The following VAT1 variants were observed in gnomAD, a reference collection of about 807,000 sequenced individuals.
VAT1 encodes NADPH-dependent quinone oxidoreductase VAT1.
In VAT1, 24 loss-of-function variants were observed where a neutral mutation model predicts 33.3. That is an observed-to-expected ratio of 0.72 (90% CI 0.52 to 1.01). VAT1 has a LOEUF of 1.01. Ranked by LOEUF, VAT1 falls within the 50% of genes least tolerant of loss-of-function variation. The pLI is 0.00. For synonymous variants in VAT1, 212 were observed against 225.0 expected, an observed-to-expected ratio of 0.94 and a Z score of 0.52; for missense variants, 436 against 533.7, an observed-to-expected ratio of 0.82 and a Z score of 1.80.
intron 1 of VAT1, chr17:43,020,188 C>T: frequency 1.0e-6 from 1 of 985,270 alleles, no homozygotes. Context: ...GGGCCATGAC[C>T]CCTCCCCAAC....
intron 1 of VAT1, among the ~76,000 whole-genome samples, chr17:43,019,731 G>C (rs927906377): frequency 2.6e-5 from 4 of 152,174 alleles, no homozygotes; most frequent in Non-Finnish European, 5.9e-5. Flanking sequence ...GGGAAAAGGA[G>C]GGAGCGTCAG....
chr17:43,016,793 G>A (rs1401077902), intron 4 of VAT1, among the ~76,000 whole-genome samples: 2 of 152,006 alleles, frequency 1.3e-5, no homozygotes, highest in Non-Finnish European at 2.9e-5. Context: ...CAAGGTGGGG[G>A]GATCACTTGA....
rs1301109336 is a variant in VAT1, at chr17:43,022,195, G to GCGGCGGCGGCGGCGGCCCCTT, written c.107_127dup (p.Glu36_Ala42dup). 1.3e-5 allele frequency: 20 copies of GCGGCGGCGGCGGCGGCCCCTT among 1,542,144 alleles called. No individual in the cohort carries two copies. In the East Asian group the frequency reaches 4.2e-4, roughly 33 times the overall value. ...TAGGCAGCGCAGCAGTGGCGGCGAG[G>GCGGCGGCGGCGGCGGCCCCTT]CGGCGGCGGCGGCGGCCCCTTCGGA... is the stretch of plus-strand genomic sequence containing the variant. On this transcript the variant is annotated inframe_insertion, in exon 1 of 6. Coordinates refer to ENST00000355653, the MANE Select transcript of VAT1 (RefSeq NM_006373.4).
chr17:43,022,056 G>C lies in VAT1; in HGVS notation c.267C>G (p.Asn89Lys). 6.2e-7 allele frequency: 1 copy of C among 1,605,326 alleles called. No homozygotes were observed. The highest frequency in any genetic ancestry group is 8.5e-7 in the Non-Finnish European group (1 of 1,177,292). The stretch of plus-strand genomic sequence containing the variant: ...CCTGCCTAGCCATGAGGTCTGCGAA[G>C]TTGAGCCCGCAGGCCCGCAGACGCA... ...LTLRLRACGL[N>K]FADLMARQGL... Residue 89 changes from asparagine (N) to lysine (K), a missense_variant, in exon 1 of 6, where the codon AAC (asparagine) becomes AAG (lysine). Around this residue, in one of 2 missense-constraint regions of VAT1, gnomAD observed 154 missense variants for 128.3 expected, o/e 1.20. Coordinates refer to ENST00000355653, the MANE Select transcript of VAT1 (RefSeq NM_006373.4).
Position 43,015,753 on chromosome 17 carries a change from C to A in VAT1, c.*308G>T. 2.2e-6 allele frequency: 1 copy of A among 450,538 alleles called. No individual in the cohort carries two copies. Among genetic ancestry groups the A allele is most frequent in the Middle Eastern group, 6.3e-4 (1 of 1,600 alleles). The allele number at this position is 450,538 out of a possible 1,614,324, so 27.9% of individuals were successfully genotyped here. A position where few individuals can be genotyped will look rare whatever the true frequency, so the allele number is the denominator to read the frequency against. The stretch of plus-strand genomic sequence containing the variant: ...AGCACATGGAACACAACAGGGGGGA[C>A]TGGCTAACCTTGGCACAAAAGCAGC... On this transcript the variant is annotated 3_prime_UTR_variant, in exon 6 of 6. Coordinates refer to ENST00000355653, the MANE Select transcript of VAT1 (RefSeq NM_006373.4).
intron 1 of VAT1, among the ~76,000 whole-genome samples, chr17:43,020,535 T>C (rs184361226): frequency 1.3e-5 from 2 of 152,258 alleles, no homozygotes; most frequent in African/African-American, 2.4e-5. Context: ...CTGGCAGGTC[T>C]GCAAGAGGCT....
At chr17:43,021,117 G>A (rs1597785221) in intron 1 of VAT1, among the ~76,000 whole-genome samples, 1 of 152,074 alleles carries the variant, frequency 6.6e-6, no homozygotes, top group African/African-American at 2.4e-5. Flanking sequence ...TTTCTGAAGT[G>A]GGGGTCCTCT....
In VAT1 at chr17:43,021,916, GC is replaced by G. The variant is rs1567747803; in HGVS notation, c.387+19del. On this transcript the variant is annotated intron_variant, in intron 1 of 5. Coordinates refer to ENST00000355653, the MANE Select transcript of VAT1 (RefSeq NM_006373.4). Reference sequence around the variant, plus strand: ...CCAGTGGCCTGCGCAGCCCTGCCCTGCCCTACGCAACCCGCTCACCTTGCGG... The same window carrying G: ...CCAGTGGCCTGCGCAGCCCTGCCCTGCCTACGCAACCCGCTCACCTTGCGG... 2 of 1,609,586 alleles carry G rather than the reference GC, an allele frequency of 1.2e-6. No individual in the cohort carries two copies. Among genetic ancestry groups the G allele is most frequent in the South Asian group, 2.2e-5 (2 of 90,808 alleles).
At chr17:43,018,963 TAAC>T (rs2050544033) in intron 1 of VAT1, 164 bp from the exon 2 acceptor site, 2 of 727,066 alleles carry the variant, frequency 2.8e-6, no homozygotes, top group Non-Finnish European at 4.5e-6. Context: ...TCAACAACAA[TAAC>T]AACTCACCTT....
intron 1 of VAT1, chr17:43,020,047 G>T: frequency 1.0e-6 from 1 of 955,870 alleles, no homozygotes; most frequent in Non-Finnish European, 1.2e-6. Flanking sequence ...CTCAGGACTA[G>T]CAGATACAGA....
In VAT1 at chr17:43,021,767, C is replaced by T. The variant is rs562193080; in HGVS notation, c.387+169G>A. Among the ~76,000 whole-genome samples the T allele has an allele frequency of 1.2e-4, 19 of 152,298 alleles. No individual in the cohort carries two copies. In the East Asian group the frequency reaches 3.7e-3, roughly 30 times the overall value. On this transcript the variant is annotated intron_variant, in intron 1 of 5. Coordinates refer to ENST00000355653, the MANE Select transcript of VAT1 (RefSeq NM_006373.4). Reference sequence around the variant, plus strand: ...TCGTCTCCCCTCCCCACATAAATGCCGCTCTCCAGGAGCCCCCAAACACAA... The same window carrying T: ...TCGTCTCCCCTCCCCACATAAATGCTGCTCTCCAGGAGCCCCCAAACACAA...
rs1306656752 is a variant in VAT1 at position 43,016,478 on chromosome 17, G to C, written c.927C>G (p.Phe309Leu). The C allele has an allele frequency of 6.2e-7, 1 of 1,614,148 alleles. No homozygotes were observed. Among genetic ancestry groups the C allele is most frequent in the Non-Finnish European group, 8.5e-7 (1 of 1,180,034 alleles). ...MALARTWWNQ[F>L]SVTALQLLQA... ...GCAGCAGCTGCAGAGCTGTCACGCT[G>C]AACTGATTCCACCATGTCCGGGCCA... Residue 309 changes from phenylalanine to leucine, a missense_variant, in exon 5 of 6, where the codon TTC (phenylalanine) becomes TTG (leucine). This residue lies in a region of VAT1 where 282 missense variants were observed against 405.4 expected (regional missense o/e 0.70). Coordinates refer to ENST00000355653, the MANE Select transcript of VAT1 (RefSeq NM_006373.4).
rs1326102351 is a variant in VAT1, at chr17:43,021,990, G to A, written c.333C>T (p.Gly111=). The change falls in exon 1 of 6, where the codon GGC becomes GGT. Residue 111 remains glycine (G), a synonymous_variant. Transcript: ENST00000355653. Reference sequence around the variant, plus strand: ...CGATCACAACACCCGCGCCCTCCATGCCCGGAGTGACAGGCAGAGGCGGGA... The same window carrying A: ...CGATCACAACACCCGCGCCCTCCATACCCGGAGTGACAGGCAGAGGCGGGA... ...DRLPPLPVTP[G]MEGAGVVIAV... 6.2e-7 allele frequency: 1 copy of A among 1,611,084 alleles called. No individual in the cohort carries two copies. Among genetic ancestry groups the A allele is most frequent in the African/African-American group, 1.3e-5 (1 of 74,990 alleles).
In VAT1 at chr17:43,021,973, A is replaced by T. The variant is rs2050573325; in HGVS notation, c.350T>A (p.Val117Asp). The change falls in exon 1 of 6, where the codon GTT becomes GAT. Residue 117 changes from valine (V) to aspartate (D), a missense_variant. Physicochemically the swap from Val to Asp is radical, Grantham distance 152. Around this residue, in one of 2 missense-constraint regions of VAT1, gnomAD observed 282 missense variants for 405.4 expected, o/e 0.70. Coordinates refer to ENST00000355653, the MANE Select transcript of VAT1 (RefSeq NM_006373.4). ...PVTPGMEGAG[V>D]VIAVGEGVSD... ...GACTCCCTCGCCCACTGCGATCACA[A>T]CACCCGCGCCCTCCATGCCCGGAGT... 1 of 1,610,728 alleles carries T rather than the reference A, an allele frequency of 6.2e-7. No individual in the cohort carries two copies. The highest frequency in any genetic ancestry group is 1.7e-5 in the Admixed American group (1 of 59,952).
At chr17:43,019,641 G>C (rs1163662005) in intron 1 of VAT1, 1 of 152,460 alleles carries the variant, frequency 6.6e-6, no homozygotes, top group African/African-American at 2.4e-5. Flanking sequence ...CCCCACGAGA[G>C]CCTCTGTGCA....
Position 43,016,051 on chromosome 17 carries a change from GCCACTTGC to G in VAT1, c.*2_*9del. The G allele has an allele frequency of 6.2e-7, 1 of 1,614,024 alleles. No individual in the cohort carries two copies. ...CTTCGCTGGTCTCTAGGGTCTCACA[GCCACTTGC>G]CCTAGTTCTCCTTCTCTGGCCCTGG... On this transcript the variant is annotated 3_prime_UTR_variant, in exon 6 of 6. Transcript: ENST00000355653.
chr17:43,019,729 G>A (rs1301334223), intron 1 of VAT1, among the ~76,000 whole-genome samples: 1 of 152,190 alleles, frequency 6.6e-6, no homozygotes, highest in Non-Finnish European at 1.5e-5. Flanking sequence ...CAGGGAAAAG[G>A]AGGGAGCGTC....
intron 1 of VAT1, among the ~76,000 whole-genome samples, chr17:43,021,385 G>C (rs1185295476): frequency 6.6e-6 from 1 of 152,120 alleles, no homozygotes; most frequent in South Asian, 2.1e-4. Context: ...GGCGTGTCTC[G>C]TCTCTTTGGC....
At chr17:43,018,491 G>A (rs1340066626) in intron 2 of VAT1, 101 bp downstream of exon 2, 5 of 1,359,324 alleles carry the variant, frequency 3.7e-6, no homozygotes, top group Non-Finnish European at 4.1e-6. Context: ...GGCCAAGGCA[G>A]CCTGGTGTTG....
Sources: allele counts gnomAD v4.1 joint callset (sites outside exome capture counted in the v4.1 genomes callset), GRCh38; gene constraint gnomAD v4.1.1; regional missense constraint gnomAD v4.1.1; transcripts MANE v1.5; gene names NCBI Gene and HGNC (gene_info 2026-07-23, HGNC 2026-07-21).